The following HTR4 variants were observed in gnomAD, a reference collection of about 807,000 sequenced individuals.
HTR4 encodes 5-hydroxytryptamine (serotonin) receptor 4, G protein-coupled.
HTR4 carries 16 observed loss-of-function variants against 36.8 expected under a neutral mutation model. The observed-to-expected ratio is 0.43, with a 90% CI of 0.29 to 0.66. The LOEUF (loss-of-function observed/expected upper bound fraction) is 0.66, where lower values mean the gene tolerates loss of function less well. HTR4 is among the 30% of genes least tolerant of loss of function. The probability of loss-of-function intolerance (pLI) is 0.13; values close to 1 mark genes in which losing one functional copy is unlikely to be tolerated. For missense variants in HTR4, 438 were observed against 490.9 expected, an observed-to-expected ratio of 0.89 and a Z score of 1.02; for synonymous variants, 189 against 185.1, an observed-to-expected ratio of 1.02 and a Z score of -0.17.
chr5:148,511,801 C>T (rs940031509), intron 5 of HTR4, among the ~76,000 whole-genome samples: 6 of 152,088 alleles, frequency 3.9e-5, no homozygotes, highest in African/African-American at 1.4e-4. Context: ...ACTCCACATG[C>T]TCGCCAACAT....
At chr5:148,478,851 T>C (rs1755787619), downstream of HTR4, among the ~76,000 whole-genome samples, 1 of 152,168 alleles carries the variant, frequency 6.6e-6, no homozygotes, top group South Asian at 2.1e-4. Flanking sequence ...AAGTCTATTT[T>C]ACTCTGGACA....
chr5:148,613,775 G>C (rs1187007773), intron 2 of HTR4, among the ~76,000 whole-genome samples: 1 of 148,922 alleles, frequency 6.7e-6, no homozygotes, highest in Non-Finnish European at 1.5e-5. Context: ...TGTATATCTA[G>C]AAAACCCCAT....
chr5:148,562,584 TC>T (rs2113868830), intron 2 of HTR4, among the ~76,000 whole-genome samples: 1 of 152,302 alleles, frequency 6.6e-6, no homozygotes, highest in East Asian at 1.9e-4. Context: ...TTTCATCTTC[TC>T]CTAGACTATC....
intron 5 of HTR4, among the ~76,000 whole-genome samples, chr5:148,510,754 G>T (rs997857927): frequency 2.6e-5 from 4 of 152,174 alleles, no homozygotes; most frequent in African/African-American, 4.8e-5. Context: ...ATTTCTCTAC[G>T]TATTGAGTTC....
At chr5:148,547,698 G>A (rs2113844624) in intron 4 of HTR4, among the ~76,000 whole-genome samples, 1 of 152,044 alleles carries the variant, frequency 6.6e-6, no homozygotes, top group East Asian at 1.9e-4. Flanking sequence ...CTCGAGACCA[G>A]CCTGGGTAAC....
At chr5:148,530,204 A>G (rs1465423013) in intron 4 of HTR4, among the ~76,000 whole-genome samples, 1 of 152,232 alleles carries the variant, frequency 6.6e-6, no homozygotes, top group Non-Finnish European at 1.5e-5. Flanking sequence ...AGAAACTTCC[A>G]TAAGTAACAA....
intron 5 of HTR4, among the ~76,000 whole-genome samples, chr5:148,460,222 T>C (rs1012505592): frequency 6.6e-6 from 1 of 151,890 alleles, no homozygotes; most frequent in African/African-American, 2.4e-5. Context: ...AAGAAATATT[T>C]CATGGAGAAT....
At chr5:148,586,426 C>T (rs1450982450) in intron 2 of HTR4, among the ~76,000 whole-genome samples, 7 of 151,844 alleles carry the variant, frequency 4.6e-5, no homozygotes, top group African/African-American at 1.5e-4. Context: ...TACTCGAACC[C>T]TTTAATGTAA....
intron 2 of HTR4, among the ~76,000 whole-genome samples, chr5:148,616,870 T>C (rs1315057877): frequency 6.6e-6 from 1 of 152,140 alleles, no homozygotes; most frequent in East Asian, 1.9e-4. Context: ...CCAGGATCAT[T>C]TAAGTATTTT....
At chr5:148,609,476 A>T (rs1015134576) in intron 2 of HTR4, among the ~76,000 whole-genome samples, 3 of 152,148 alleles carry the variant, frequency 2.0e-5, no homozygotes, top group Non-Finnish European at 4.4e-5. Context: ...AGTTCTCAAG[A>T]TAATGTGTTC....
intron 2 of HTR4, among the ~76,000 whole-genome samples, chr5:148,636,329 A>T (rs1325468140): frequency 6.6e-6 from 1 of 152,204 alleles, no homozygotes; most frequent in Non-Finnish European, 1.5e-5. Flanking sequence ...CCAGCTACTG[A>T]TATCTATGGA....
intron 5 of HTR4, among the ~76,000 whole-genome samples, chr5:148,459,414 G>A (rs576838160): frequency 6.6e-6 from 1 of 152,260 alleles, no homozygotes; most frequent in East Asian, 1.9e-4. Context: ...GCCTTCAGGA[G>A]AAATATGTAG....
chr5:148,535,995 G>C (rs1385063428), intron 4 of HTR4, among the ~76,000 whole-genome samples: 2 of 151,106 alleles, frequency 1.3e-5, no homozygotes, highest in African/African-American at 4.9e-5. Context: ...AGAGAGAGAG[G>C]AGGTCACCTA....
chr5:148,477,579 C>T (rs1244656244), downstream of HTR4, among the ~76,000 whole-genome samples: 3 of 152,188 alleles, frequency 2.0e-5, no homozygotes, highest in Non-Finnish European at 2.9e-5. Context: ...ATTAACTTCT[C>T]TGACGTACAG....
chr5:148,573,658 AC>A (rs2113885332), intron 2 of HTR4, among the ~76,000 whole-genome samples: 1 of 152,156 alleles, frequency 6.6e-6, no homozygotes, highest in Admixed American at 6.6e-5. Context: ...CATAATGAGC[AC>A]CAGAAGCAGT....
rs201254223 is a variant in HTR4 at position 148,481,599 on chromosome 5, A to G, written c.*1604T>C. ...GGTCAATCTTCTCTTCCTTATTCCA[A>G]AGTTTCTTCCTGTCGGTTTCAGTTC... is the stretch of plus-strand genomic sequence containing the variant. On this transcript the variant is annotated 3_prime_UTR_variant, in exon 7 of 7. Transcript: ENST00000377888. The G allele has an allele frequency of 1.3e-6, 2 of 1,515,934 alleles. No individual in the cohort carries two copies. Among genetic ancestry groups the G allele is most frequent in the Admixed American group, 2.2e-5 (1 of 45,748 alleles). The allele number at this position is 1,515,934 out of a possible 1,614,324, so 93.9% of individuals were successfully genotyped here.
intron 5 of HTR4, among the ~76,000 whole-genome samples, chr5:148,470,258 A>T (rs1755532291): frequency 6.6e-6 from 1 of 152,200 alleles, no homozygotes; most frequent in African/African-American, 2.4e-5. Context: ...CTCCTTTTTC[A>T]GCATTTTAAG....
At chr5:148,525,960 T>C (rs1758249540) in intron 4 of HTR4, among the ~76,000 whole-genome samples, 1 of 152,166 alleles carries the variant, frequency 6.6e-6, no homozygotes, top group African/African-American at 2.4e-5. Context: ...AGTACGAAGG[T>C]GGCCATGAGA....
chr5:148,467,322 C>T (rs1239436634), intron 5 of HTR4, among the ~76,000 whole-genome samples: 1 of 152,156 alleles, frequency 6.6e-6, no homozygotes, highest in African/African-American at 2.4e-5. Context: ...ATGATCCTAA[C>T]AACTTTTACA....
Sources: allele counts gnomAD v4.1 joint callset (sites outside exome capture counted in the v4.1 genomes callset), GRCh38; gene constraint gnomAD v4.1.1; transcripts MANE v1.5; gene names NCBI Gene and HGNC (gene_info 2026-07-23, HGNC 2026-07-21).